CCSER1: variants seen among roughly 807,000 people sequenced by gnomAD.
CCSER1 encodes coiled-coil serine rich protein 1, also known as serine-rich coiled-coil domain-containing protein 1.
CCSER1 carries 41 observed loss-of-function variants against 82.0 expected under a neutral mutation model. The observed-to-expected ratio is 0.50, with a 90% CI of 0.39 to 0.65. The LOEUF (loss-of-function observed/expected upper bound fraction) is 0.65, where lower values mean the gene tolerates loss of function less well. Ranked by LOEUF, CCSER1 falls within the 30% of genes least tolerant of loss-of-function variation. CCSER1 has a pLI of 0.00. For synonymous variants in CCSER1, 414 were observed against 383.9 expected (o/e 1.08, Z -0.92); for missense variants, 1,119 against 1,064.2 (o/e 1.05, Z -0.72).
intron 5 of CCSER1, among the ~76,000 whole-genome samples, chr4:90,498,421 TATA>T (rs1246906258): frequency 6.6e-6 from 1 of 152,152 alleles, no homozygotes; most frequent in East Asian, 1.9e-4. Context: ...TAGACTACTG[TATA>T]ATGACATTAA....
intron 5 of CCSER1, among the ~76,000 whole-genome samples, chr4:90,483,150 C>G (rs967650853): frequency 6.6e-6 from 1 of 152,100 alleles, no homozygotes; most frequent in East Asian, 1.9e-4. Context: ...CTCTCTTGAT[C>G]TTTGTTGGTT....
At chr4:90,719,115 T>C (rs1742216063) in intron 6 of CCSER1, among the ~76,000 whole-genome samples, 1 of 152,048 alleles carries the variant, frequency 6.6e-6, no homozygotes, top group Non-Finnish European at 1.5e-5. Flanking sequence ...GGAGGGCGAG[T>C]GAGCTAAGCT....
intron 1 of CCSER1, among the ~76,000 whole-genome samples, chr4:90,260,527 T>C (rs957407925): frequency 6.6e-6 from 1 of 152,164 alleles, no homozygotes; most frequent in African/African-American, 2.4e-5. Flanking sequence ...GTCTTTTTTT[T>C]ACTAGTGTTG....
intron 8 of CCSER1, among the ~76,000 whole-genome samples, chr4:90,823,817 TTTAGTAATTAC>T (rs2149796383): frequency 6.6e-6 from 1 of 152,136 alleles, no homozygotes; most frequent in South Asian, 2.1e-4. Flanking sequence ...AAGAGCGTGA[TTTAGTAATTAC>T]CTATACTGTA....
chr4:91,144,218 AT>A (rs1193996042), intron 10 of CCSER1, among the ~76,000 whole-genome samples: 4 of 151,176 alleles, frequency 2.6e-5, no homozygotes, highest in East Asian at 1.9e-4. Flanking sequence ...GAATTTATCC[AT>A]TTTTTTTCTA....
rs562189988 is a variant in CCSER1 at position 90,640,706 on chromosome 4, T to C, written c.1932+12474T>C. On this transcript the variant is annotated intron_variant, in intron 6 of 10. Coordinates refer to ENST00000509176, the MANE Select transcript of CCSER1 (RefSeq NM_001145065.2). ...CCCATGCTGTTCTTGTGATAGTGAG[T>C]GAGTTCTCAGGAGACGTGATAGTTT... Among the ~76,000 whole-genome samples the C allele has an allele frequency of 5.9e-5, 9 of 152,184 alleles. No individual in the cohort carries two copies. The East Asian group carries it at 1.7e-3, about 29-fold the overall frequency.
chr4:90,861,420 A>G (rs1055735642), intron 8 of CCSER1, among the ~76,000 whole-genome samples: 1 of 151,790 alleles, frequency 6.6e-6, no homozygotes, highest in Non-Finnish European at 1.5e-5. Flanking sequence ...ATAAACATGC[A>G]GCTATAGGAT....
chr4:91,176,610 GCTCT>G (rs1230030455), intron 10 of CCSER1, among the ~76,000 whole-genome samples: 1 of 151,290 alleles, frequency 6.6e-6, no homozygotes, highest in Non-Finnish European at 1.5e-5. Flanking sequence ...TCATGATTTG[GCTCT>G]CTGTTTGTCT....
chr4:90,794,062 G>A (rs560628405), intron 7 of CCSER1, among the ~76,000 whole-genome samples: 22 of 152,312 alleles, frequency 1.4e-4, no homozygotes, highest in Non-Finnish European at 2.5e-4. Flanking sequence ...CTGGGTATTA[G>A]ACCTTTATCA....
chr4:90,144,071 T>C (rs1313185013), intron 1 of CCSER1, among the ~76,000 whole-genome samples: 1 of 152,260 alleles, frequency 6.6e-6, no homozygotes, highest in Non-Finnish European at 1.5e-5. Context: ...AACTGTAAGA[T>C]ATCTTTTTAA....
chr4:90,194,635 G>T (rs1329098376), intron 1 of CCSER1, among the ~76,000 whole-genome samples: 2 of 151,826 alleles, frequency 1.3e-5, no homozygotes, highest in South Asian at 4.2e-4. Flanking sequence ...TCAAATATCT[G>T]ATCTCATTTT....
chr4:90,296,330 A>G, intron 1 of CCSER1, among the ~76,000 whole-genome samples: 1 of 152,040 alleles, frequency 6.6e-6, no homozygotes, highest in East Asian at 1.9e-4. Context: ...TCCTTTGCCC[A>G]CTTTTTGATG....
At chr4:90,420,541 C>T (rs116804781) in intron 4 of CCSER1, among the ~76,000 whole-genome samples, 373 of 151,954 alleles carry the variant, frequency 2.5e-3, no homozygotes, top group African/African-American at 8.2e-3. Flanking sequence ...AAATCATTTG[C>T]ATTTCCTGAT....
intron 8 of CCSER1, among the ~76,000 whole-genome samples, chr4:90,820,797 A>T (rs1346668790): frequency 1.3e-5 from 2 of 151,672 alleles, no homozygotes; most frequent in African/African-American, 4.8e-5. Flanking sequence ...GGAAAAGCAG[A>T]TTTTAGAACA....
At chr4:90,868,740 A>G (rs1207183761) in intron 8 of CCSER1, among the ~76,000 whole-genome samples, 2 of 152,040 alleles carry the variant, frequency 1.3e-5, no homozygotes, top group Non-Finnish European at 1.5e-5. Context: ...GCTAGATCGT[A>G]TGGTAGCTGA....
chr4:90,923,050 A>C (rs1728608993), intron 8 of CCSER1, among the ~76,000 whole-genome samples: 1 of 152,162 alleles, frequency 6.6e-6, no homozygotes, highest in Non-Finnish European at 1.5e-5. Flanking sequence ...AATAGCAACT[A>C]AGTTATTTAA....
intron 10 of CCSER1, among the ~76,000 whole-genome samples, chr4:91,443,064 G>T (rs1350396952): frequency 6.6e-6 from 1 of 152,010 alleles, no homozygotes; most frequent in Admixed American, 6.6e-5. Context: ...AGTCAGTGTG[G>T]TGATTCCTCA....
At chr4:90,739,970 T>C (rs1307435805) in intron 7 of CCSER1, among the ~76,000 whole-genome samples, 2 of 152,176 alleles carry the variant, frequency 1.3e-5, no homozygotes, top group African/African-American at 4.8e-5. Flanking sequence ...AAGGTGCTTT[T>C]TTGTGTGGAC....
chr4:90,315,864 A>C (rs976772963), intron 3 of CCSER1, among the ~76,000 whole-genome samples: 1 of 152,186 alleles, frequency 6.6e-6, no homozygotes. Context: ...AACTTGTAGC[A>C]CTGTAAGGAA....
Sources: allele counts gnomAD v4.1 joint callset (sites outside exome capture counted in the v4.1 genomes callset), GRCh38; gene constraint gnomAD v4.1.1; transcripts MANE v1.5; gene names NCBI Gene and HGNC (gene_info 2026-07-23, HGNC 2026-07-21).